Variants in GALNTL6 observed in about 807,000 individuals in gnomAD.
GALNTL6 encodes polypeptide N-acetylgalactosaminyltransferase like 6, also known as polypeptide N-acetylgalactosaminyltransferase-like 6.
Under a neutral mutation model 73.7 loss-of-function variants are expected in GALNTL6, and 46 were observed. The ratio of observed to expected loss-of-function variants is 0.62; its 90% CI spans 0.49 to 0.80. The LOEUF (loss-of-function observed/expected upper bound fraction) is 0.80, where lower values mean the gene tolerates loss of function less well. GALNTL6 is among the 30% of genes least tolerant of loss of function. The probability of loss-of-function intolerance (pLI) is 0.00; values close to 1 mark genes in which losing one functional copy is unlikely to be tolerated. For missense variants in GALNTL6, 604 were observed against 755.0 expected (o/e 0.80, Z 2.34); for synonymous variants, 259 against 263.7 (o/e 0.98, Z 0.17).
At chr4:171,977,112 A>G (rs1194442530) in intron 2 of GALNTL6, among the ~76,000 whole-genome samples, 6 of 152,190 alleles carry the variant, frequency 3.9e-5, no homozygotes, top group Non-Finnish European at 2.9e-5. Flanking sequence ...GAAGAAGGAG[A>G]GTAAGCCTTA....
intron 5 of GALNTL6, among the ~76,000 whole-genome samples, chr4:172,772,271 T>G (rs78314167): frequency 6.6e-6 from 1 of 152,276 alleles, no homozygotes; most frequent in South Asian, 2.1e-4. Flanking sequence ...ATGCAGAAAC[T>G]TAATTATTTG....
chr4:172,713,869 G>A (rs538444523), intron 5 of GALNTL6, among the ~76,000 whole-genome samples: 3 of 151,994 alleles, frequency 2.0e-5, no homozygotes, highest in Non-Finnish European at 2.9e-5. Context: ...TCAAACTGTA[G>A]GTTTCTTTCC....
At position 172,329,587 on chromosome 4, in the gene GALNTL6, A is replaced by G. The variant is rs199661320; in HGVS notation, c.386+17835A>G. On this transcript the variant is annotated intron_variant, in intron 4 of 12. Transcript: ENST00000506823. Reference sequence around the variant, plus strand: ...GCAGGGAGATTGTAGACCTCAGTACAGAGATCCCACCCAGTGAGGAGGAAC... The same window carrying G: ...GCAGGGAGATTGTAGACCTCAGTACGGAGATCCCACCCAGTGAGGAGGAAC... 7.9e-4 allele frequency among the ~76,000 whole-genome samples: 120 copies of G among 152,198 alleles called. 2 individuals are homozygous for G. The South Asian group carries it at 0.016, about 20-fold the overall frequency.
At chr4:172,005,538 C>G (rs186554232) in intron 2 of GALNTL6, among the ~76,000 whole-genome samples, 2 of 152,260 alleles carry the variant, frequency 1.3e-5, no homozygotes, top group Non-Finnish European at 1.5e-5. Context: ...ACAAATGGTA[C>G]AAGCACCACA....
chr4:172,367,430 A>G (rs1035131849), intron 5 of GALNTL6, among the ~76,000 whole-genome samples: 2 of 152,282 alleles, frequency 1.3e-5, no homozygotes, highest in Non-Finnish European at 2.9e-5. Context: ...ATTTACCAAG[A>G]TAATGAATGC....
At chr4:172,769,276 AAAAGATATTTT>A (rs960740392) in intron 5 of GALNTL6, among the ~76,000 whole-genome samples, 1 of 152,216 alleles carries the variant, frequency 6.6e-6, no homozygotes, top group African/African-American at 2.4e-5. Context: ...GGTTTTAAAA[AAAAGATATTTT>A]AAAGATATTT....
intron 5 of GALNTL6, among the ~76,000 whole-genome samples, chr4:172,577,800 C>T (rs1481413265): frequency 6.6e-6 from 1 of 152,112 alleles, no homozygotes; most frequent in African/African-American, 2.4e-5. Context: ...CCCAGATGGC[C>T]AGCGATATAT....
chr4:172,585,109 GA>G (rs56223227), intron 5 of GALNTL6, among the ~76,000 whole-genome samples: 74,605 of 150,384 alleles, frequency 0.5, 19,306 homozygotes, highest in East Asian at 0.71. Flanking sequence ...TCATGAACTA[GA>G]AAAAAAAAAC....
At chr4:171,870,112 C>T (rs752425458) in intron 2 of GALNTL6, among the ~76,000 whole-genome samples, 2 of 152,174 alleles carry the variant, frequency 1.3e-5, no homozygotes, top group South Asian at 2.1e-4. Flanking sequence ...TCATGCAGGA[C>T]GTATTCGCTT....
chr4:173,034,323 C>G (rs1753595058), intron 12 of GALNTL6, among the ~76,000 whole-genome samples: 1 of 152,138 alleles, frequency 6.6e-6, no homozygotes, highest in African/African-American at 2.4e-5. Flanking sequence ...GACTCTTGTT[C>G]AAATCTCCCA....
chr4:172,516,111 T>C (rs769740496), intron 5 of GALNTL6, among the ~76,000 whole-genome samples: 2 of 152,196 alleles, frequency 1.3e-5, no homozygotes, highest in African/African-American at 2.4e-5. Flanking sequence ...TAGCACATAA[T>C]AGATTTTTAT....
intron 2 of GALNTL6, among the ~76,000 whole-genome samples, chr4:172,176,979 A>T (rs1735022719): frequency 6.6e-6 from 1 of 152,114 alleles, no homozygotes; most frequent in African/African-American, 2.4e-5. Context: ...TCAATCTGAA[A>T]GTTCTGGGTA....
chr4:172,480,981 A>G (rs1733439530), intron 5 of GALNTL6, among the ~76,000 whole-genome samples: 1 of 152,206 alleles, frequency 6.6e-6, no homozygotes, highest in Admixed American at 6.5e-5. Context: ...TATTGGTCAA[A>G]GCAAGTCACA....
intron 5 of GALNTL6, among the ~76,000 whole-genome samples, chr4:172,599,316 T>C (rs1193257938): frequency 6.6e-6 from 1 of 152,158 alleles, no homozygotes; most frequent in Non-Finnish European, 1.5e-5. Context: ...ATTTTGTCGT[T>C]ATGTATAACT....
At chr4:172,027,720 T>C (rs563403137) in intron 2 of GALNTL6, among the ~76,000 whole-genome samples, 39 of 152,226 alleles carry the variant, frequency 2.6e-4, no homozygotes, top group African/African-American at 8.9e-4. Context: ...AGGTCTTCTG[T>C]GCCAAACAGC....
intron 2 of GALNTL6, among the ~76,000 whole-genome samples, chr4:172,150,338 G>T (rs1369612236): frequency 6.6e-6 from 1 of 152,166 alleles, no homozygotes; most frequent in Admixed American, 6.6e-5. Context: ...TAAGAGATGG[G>T]TTTTTCAAAC....
intron 5 of GALNTL6, among the ~76,000 whole-genome samples, chr4:172,428,089 T>C (rs1731295980): frequency 6.6e-6 from 1 of 152,104 alleles, no homozygotes; most frequent in Admixed American, 6.6e-5. Context: ...TTAAATTACT[T>C]AAGCATACAT....
chr4:172,695,484 A>G (rs1429490062), intron 5 of GALNTL6, among the ~76,000 whole-genome samples: 1 of 152,250 alleles, frequency 6.6e-6, no homozygotes, highest in Non-Finnish European at 1.5e-5. Context: ...TATATCCAAA[A>G]ATACCAATAA....
At chr4:172,002,675 C>T (rs1009917837) in intron 2 of GALNTL6, among the ~76,000 whole-genome samples, 3 of 152,052 alleles carry the variant, frequency 2.0e-5, no homozygotes, top group African/African-American at 7.2e-5. Flanking sequence ...GTTCAAATCC[C>T]CTTAGAAAAA....
Sources: allele counts gnomAD v4.1 joint callset (sites outside exome capture counted in the v4.1 genomes callset), GRCh38; gene constraint gnomAD v4.1.1; transcripts MANE v1.5; gene names NCBI Gene and HGNC (gene_info 2026-07-23, HGNC 2026-07-21).